Variants in COMMD10 observed in about 807,000 individuals in gnomAD.
The protein encoded by COMMD10 is COMM domain-containing protein 10.
Under a neutral mutation model 28.9 loss-of-function variants are expected in COMMD10, and 33 were observed. The observed-to-expected ratio is 1.14, with a 90% CI of 0.87 to 1.53. COMMD10 has a LOEUF of 1.53. Ranked by LOEUF, COMMD10 falls within the 40% of genes most tolerant of loss-of-function variation. COMMD10 has a pLI of 0.00. For missense variants in COMMD10, 310 were observed against 233.4 expected (o/e 1.33, Z -2.14); for synonymous variants, 110 against 81.7 (o/e 1.35, Z -1.87).
chr5:116,168,492 A>C (rs1210409536), intron 5 of COMMD10, among the ~76,000 whole-genome samples: 1 of 152,188 alleles, frequency 6.6e-6, no homozygotes, highest in Admixed American at 6.5e-5. Flanking sequence ...CCTAATAGAC[A>C]TCTACAGAAC....
At chr5:116,259,432 A>T (rs979328533) in intron 5 of COMMD10, among the ~76,000 whole-genome samples, 1 of 151,306 alleles carries the variant, frequency 6.6e-6, no homozygotes, top group African/African-American at 2.4e-5. Context: ...AATTACAATT[A>T]TATTTAACGT....
At position 116,257,987 on chromosome 5, in the gene COMMD10, G is replaced by A. The variant is rs189849241; in HGVS notation, c.511-33530G>A. ...TTCAAGGCTAACTATAATCATTTTT[G>A]TCCAATTTGTTTTAAAGAGGGTTCA... is the stretch of plus-strand genomic sequence containing the variant. On this transcript the variant is annotated intron_variant, in intron 5 of 6. Coordinates refer to ENST00000274458, the MANE Select transcript of COMMD10 (RefSeq NM_016144.4). 2.6e-3 allele frequency among the ~76,000 whole-genome samples: 394 copies of A among 151,690 alleles called. 2 individuals carry two copies. The highest frequency in any genetic ancestry group is 4.4e-3 in the Non-Finnish European group (301 of 67,916).
intron 5 of COMMD10, among the ~76,000 whole-genome samples, chr5:116,261,890 C>A (rs1750456848): frequency 6.6e-6 from 1 of 151,682 alleles, no homozygotes. Flanking sequence ...TATTTTTTCC[C>A]TTTAGTTTTA....
At chr5:116,184,320 T>A (rs1748071668) in intron 5 of COMMD10, among the ~76,000 whole-genome samples, 1 of 151,926 alleles carries the variant, frequency 6.6e-6, no homozygotes. Flanking sequence ...TGACCTTTTT[T>A]TTTTTTTCTC....
intron 5 of COMMD10, among the ~76,000 whole-genome samples, chr5:116,212,547 G>C (rs191585705): frequency 3.0e-5 from 2 of 65,908 alleles, no homozygotes; most frequent in Non-Finnish European, 8.1e-5. Context: ...GGTTGGATAG[G>C]TTCATGTGGG....
At chr5:116,106,108 T>G (rs113551437) in intron 4 of COMMD10, among the ~76,000 whole-genome samples, 3,380 of 148,396 alleles carry the variant, frequency 0.023, 116 homozygotes, top group African/African-American at 0.079. Flanking sequence ...ATTTTTTTTT[T>G]TGTGTGGGCA....
In COMMD10 at chr5:116,292,979, GAA is replaced by G; in HGVS notation, c.*492_*493del. The G allele has an allele frequency of 2.5e-6, 1 of 397,204 alleles. No homozygotes were observed. The highest frequency in any genetic ancestry group is 4.4e-6 in the Non-Finnish European group (1 of 225,178). The allele number at this position is 397,204 out of a possible 1,614,324, so 24.6% of individuals were successfully genotyped here. On this transcript the variant is annotated 3_prime_UTR_variant, in exon 7 of 7. Coordinates refer to ENST00000274458, the MANE Select transcript of COMMD10 (RefSeq NM_016144.4). ...AATATGATGAGTATATTTTGCTTCG[GAA>G]ATAATATAGGAAGGAAATGTAAAAT...
chr5:116,220,873 A>G (rs1561673400), intron 5 of COMMD10, among the ~76,000 whole-genome samples: 1 of 152,094 alleles, frequency 6.6e-6, no homozygotes, highest in Non-Finnish European at 1.5e-5. Flanking sequence ...TTAATCAGGG[A>G]AGAAGGGATG....
intron 5 of COMMD10, among the ~76,000 whole-genome samples, chr5:116,249,866 T>C (rs1034285696): frequency 6.6e-6 from 1 of 151,898 alleles, no homozygotes; most frequent in Non-Finnish European, 1.5e-5. Context: ...GAATCAACAA[T>C]GACAGTAAAG....
At chr5:116,256,836 C>G (rs1750300694) in intron 5 of COMMD10, among the ~76,000 whole-genome samples, 1 of 151,690 alleles carries the variant, frequency 6.6e-6, no homozygotes, top group Admixed American at 6.6e-5. Flanking sequence ...GTATCCCTGT[C>G]TCAGCCAGCC....
At chr5:116,269,454 T>G (rs1167323297) in intron 5 of COMMD10, among the ~76,000 whole-genome samples, 1 of 151,848 alleles carries the variant, frequency 6.6e-6, no homozygotes, top group Non-Finnish European at 1.5e-5. Flanking sequence ...TAGGTTATAT[T>G]GACTTTTAGA....
intron 5 of COMMD10, among the ~76,000 whole-genome samples, chr5:116,219,134 G>C (rs972616063): frequency 1.4e-4 from 21 of 152,066 alleles, no homozygotes; most frequent in African/African-American, 5.1e-4. Flanking sequence ...CCAGCCCTGC[G>C]GACAACTTGA....
chr5:116,292,423 CTT>C (rs11337562), intron 6 of COMMD10, 26 bp from the exon 7 acceptor site: 70,311 of 1,233,946 alleles, frequency 0.057, 1,449 homozygotes, highest in African/African-American at 0.24. Context: ...TCACTAACGT[CTT>C]TTTTTTTTTT....
intron 5 of COMMD10, among the ~76,000 whole-genome samples, chr5:116,179,294 A>T (rs1747863975): frequency 6.6e-6 from 1 of 152,166 alleles, no homozygotes; most frequent in Non-Finnish European, 1.5e-5. Context: ...TTTTAGGAAT[A>T]ATCTAATATC....
At chr5:116,131,533 C>A (rs1440611574) in intron 4 of COMMD10, among the ~76,000 whole-genome samples, 1 of 151,970 alleles carries the variant, frequency 6.6e-6, no homozygotes, top group Non-Finnish European at 1.5e-5. Flanking sequence ...CTTCCTCTTT[C>A]ATACATTCAT....
rs72806943 is a variant in COMMD10, at chr5:116,264,410, T to C, written c.511-27107T>C. Among the ~76,000 whole-genome samples, 795 of 151,968 alleles carry C rather than the reference T, an allele frequency of 5.2e-3. 8 individuals are homozygous for C. The highest frequency in any genetic ancestry group is 8.3e-3 in the Non-Finnish European group (564 of 67,996). ...GCATCAGGATATCCCTTCACTAAAATCTAGGTCTGTAATTTGACAATTCAT... is the reference window on the plus strand; with the variant it reads ...GCATCAGGATATCCCTTCACTAAAACCTAGGTCTGTAATTTGACAATTCAT... On this transcript the variant is annotated intron_variant, in intron 5 of 6. Coordinates refer to ENST00000274458, the MANE Select transcript of COMMD10 (RefSeq NM_016144.4).
chr5:116,138,018 A>G (rs961440307), intron 5 of COMMD10, among the ~76,000 whole-genome samples: 1 of 151,898 alleles, frequency 6.6e-6, no homozygotes, highest in South Asian at 2.1e-4. Flanking sequence ...CTTTTCTGGC[A>G]TTCACAGTGT....
chr5:116,087,482 T>C lies in COMMD10; in HGVS notation c.42-15T>C. On this transcript the variant is annotated splice_polypyrimidine_tract_variant and intron_variant, in intron 1 of 6. Coordinates refer to ENST00000274458, the MANE Select transcript of COMMD10 (RefSeq NM_016144.4). ...GAAAACTCATTTCAAAACTCTGTTT[T>C]ATAATTTTGTTTAGCATGAAGAAAG... 1.3e-6 allele frequency: 2 copies of C among 1,539,682 alleles called. No homozygotes were observed. The highest frequency in any genetic ancestry group is 1.8e-6 in the Non-Finnish European group (2 of 1,112,148).
At chr5:116,128,323 G>T (rs1317833433) in intron 4 of COMMD10, among the ~76,000 whole-genome samples, 2 of 151,940 alleles carry the variant, frequency 1.3e-5, no homozygotes, top group African/African-American at 2.4e-5. Context: ...AACAGTTTTG[G>T]CATGGGTTGA....
Sources: gnomAD v4.1 joint callset for allele counts (sites outside exome capture counted in the v4.1 genomes callset) on GRCh38, gnomAD v4.1.1 for gene constraint, MANE v1.5 for transcripts, NCBI Gene and HGNC (gene_info 2026-07-23, HGNC 2026-07-21) for gene names.